EEFSEC: variants seen among roughly 807,000 people sequenced by gnomAD.
The protein encoded by EEFSEC is selenocysteine-specific elongation factor.
Under a neutral mutation model 42.1 loss-of-function variants are expected in EEFSEC, and 43 were observed. The observed-to-expected ratio is 1.02, with a 90% CI of 0.80 to 1.32. EEFSEC has a LOEUF of 1.32. Ranked by LOEUF, EEFSEC falls within the 40% of genes most tolerant of loss-of-function variation. The pLI, the probability that EEFSEC is intolerant of heterozygous loss-of-function variation, is 0.00. For missense variants in EEFSEC, 745 were observed against 803.6 expected (o/e 0.93, Z 0.88); for synonymous variants, 354 against 339.1 (o/e 1.04, Z -0.48).
At chr3:128,335,388 C>T (rs1286126525) in intron 4 of EEFSEC, among the ~76,000 whole-genome samples, 1 of 152,052 alleles carries the variant, frequency 6.6e-6, no homozygotes, top group Non-Finnish European at 1.5e-5. Context: ...AGGAGGGGCT[C>T]TGATACAGTG....
At chr3:128,155,398 A>G (rs575080266) in intron 1 of EEFSEC, among the ~76,000 whole-genome samples, 2 of 152,344 alleles carry the variant, frequency 1.3e-5, no homozygotes, top group African/African-American at 2.4e-5. Context: ...GGTGTGAGCC[A>G]CTGTGCCTGG....
chr3:128,272,070 C>T (rs1025224083), intron 4 of EEFSEC, among the ~76,000 whole-genome samples: 1 of 152,204 alleles, frequency 6.6e-6, no homozygotes, highest in African/African-American at 2.4e-5. Flanking sequence ...GGGCTGGAGA[C>T]GTCTGGATGT....
chr3:128,292,248 T>G (rs540067812), intron 4 of EEFSEC, among the ~76,000 whole-genome samples: 2 of 152,198 alleles, frequency 1.3e-5, no homozygotes, highest in East Asian at 3.8e-4. Flanking sequence ...TAATTCATTT[T>G]GAATTTATGA....
chr3:128,291,554 T>C (rs1175583524), intron 4 of EEFSEC, among the ~76,000 whole-genome samples: 1 of 152,190 alleles, frequency 6.6e-6, no homozygotes, highest in Non-Finnish European at 1.5e-5. Flanking sequence ...GGCAATAAAT[T>C]TCTGCTCATT....
At chr3:128,360,478 G>A (rs1363573472) in intron 6 of EEFSEC, among the ~76,000 whole-genome samples, 2 of 152,246 alleles carry the variant, frequency 1.3e-5, no homozygotes, top group Non-Finnish European at 2.9e-5. Flanking sequence ...GCTGGACCAG[G>A]CAGAGGGAAG....
At chr3:128,252,859 G>T (rs1160536723) in intron 2 of EEFSEC, among the ~76,000 whole-genome samples, 1 of 152,192 alleles carries the variant, frequency 6.6e-6, no homozygotes, top group Non-Finnish European at 1.5e-5. Flanking sequence ...CAGTGGGATG[G>T]CAGGGACAGC....
chr3:128,333,734 A>G (rs1431013731), intron 4 of EEFSEC, among the ~76,000 whole-genome samples: 1 of 152,198 alleles, frequency 6.6e-6, no homozygotes, highest in Non-Finnish European at 1.5e-5. Context: ...AACAGAGATG[A>G]GCACAGGATG....
At chr3:128,252,018 C>T (rs2066192390) in intron 2 of EEFSEC, among the ~76,000 whole-genome samples, 1 of 152,200 alleles carries the variant, frequency 6.6e-6, no homozygotes, top group South Asian at 2.1e-4. Context: ...ACAGCATTGA[C>T]ACTGTTCTGT....
intron 1 of EEFSEC, among the ~76,000 whole-genome samples, chr3:128,206,635 A>G (rs553448427): frequency 4.6e-5 from 7 of 152,286 alleles, no homozygotes; most frequent in Non-Finnish European, 7.4e-5. Context: ...AAGAGGTGAA[A>G]ACCTTTTGAT....
intron 4 of EEFSEC, among the ~76,000 whole-genome samples, chr3:128,306,955 G>C (rs1043234893): frequency 6.6e-6 from 1 of 152,214 alleles, no homozygotes; most frequent in Non-Finnish European, 1.5e-5. Flanking sequence ...GCGTGAAATG[G>C]TTCCTAGCTT....
downstream of EEFSEC, among the ~76,000 whole-genome samples, chr3:128,412,007 G>A (rs901404641): frequency 2.0e-5 from 3 of 152,234 alleles, no homozygotes; most frequent in Non-Finnish European, 4.4e-5. Flanking sequence ...GGAGGGTTGC[G>A]GTGTTTGTCA....
intron 1 of EEFSEC, among the ~76,000 whole-genome samples, chr3:128,218,947 G>A (rs968442442): frequency 3.3e-5 from 5 of 152,188 alleles, no homozygotes; most frequent in African/African-American, 1.2e-4. Context: ...AGCACATGGT[G>A]GGGCACTGTG....
chr3:128,291,782 CT>C (rs1349299233), intron 4 of EEFSEC, among the ~76,000 whole-genome samples: 3 of 152,140 alleles, frequency 2.0e-5, no homozygotes, highest in African/African-American at 7.2e-5. Flanking sequence ...TTTTTTCCCC[CT>C]AGCTTTAATT....
At chr3:128,234,856 A>G (rs1317613932) in intron 1 of EEFSEC, among the ~76,000 whole-genome samples, 1 of 152,182 alleles carries the variant, frequency 6.6e-6, no homozygotes, top group Non-Finnish European at 1.5e-5. Context: ...CCTTCTGATG[A>G]CTTTAAGGAG....
intron 6 of EEFSEC, among the ~76,000 whole-genome samples, chr3:128,391,421 T>C (rs540702423): frequency 9.2e-5 from 14 of 152,300 alleles, no homozygotes; most frequent in African/African-American, 3.4e-4. Context: ...GTTTCCAACC[T>C]CGAGGTTCTG....
chr3:128,262,322 C>A (rs1045658391), intron 3 of EEFSEC, 98 bp downstream of exon 3: 1 of 1,111,950 alleles, frequency 9.0e-7, no homozygotes, highest in Non-Finnish European at 1.3e-6. Flanking sequence ...AGAGAGGCAG[C>A]CCTAGCAAGA....
intron 1 of EEFSEC, among the ~76,000 whole-genome samples, chr3:128,237,327 C>T (rs1349509262): frequency 1.3e-5 from 2 of 151,946 alleles, no homozygotes; most frequent in Non-Finnish European, 2.9e-5. Flanking sequence ...TATTTTTTTA[C>T]TTTTAAGATT....
chr3:128,365,811 GCACTTTGCATGGTCAAAAA>G (rs1181113528), intron 6 of EEFSEC, among the ~76,000 whole-genome samples: 2 of 152,252 alleles, frequency 1.3e-5, no homozygotes, highest in Non-Finnish European at 2.9e-5. Flanking sequence ...ACCCTGGAAA[GCACTTTGCATGGTCAAAAA>G]CAAGGATTAT....
At chr3:128,257,454 G>C (rs150215231) in intron 2 of EEFSEC, among the ~76,000 whole-genome samples, 1 of 152,288 alleles carries the variant, frequency 6.6e-6, no homozygotes, top group African/African-American at 2.4e-5. Context: ...AGAGCTCCAA[G>C]TCACCTTTCA....
Sources: allele counts gnomAD v4.1 joint callset (sites outside exome capture counted in the v4.1 genomes callset), GRCh38; gene constraint gnomAD v4.1.1; transcripts MANE v1.5; gene names NCBI Gene and HGNC (gene_info 2026-07-23, HGNC 2026-07-21).